Variants in NRXN3 observed in about 807,000 individuals in gnomAD.
The protein encoded by NRXN3 is neurexin 3.
In NRXN3, 32 loss-of-function variants were observed where a neutral mutation model predicts 137.6. The observed-to-expected ratio is 0.23, with a 90% CI of 0.18 to 0.31. The LOEUF (loss-of-function observed/expected upper bound fraction) is 0.31, where lower values mean the gene tolerates loss of function less well. Ranked by LOEUF, NRXN3 falls within the 10% of genes least tolerant of loss-of-function variation. NRXN3 has a pLI of 1.00. For synonymous variants in NRXN3, 798 were observed against 784.5 expected (o/e 1.02, Z -0.29); for missense variants, 1,574 against 2,062.5 (o/e 0.76, Z 4.59).
intron 4 of NRXN3, among the ~76,000 whole-genome samples, chr14:78,540,732 G>T (rs1166855992): frequency 2.0e-5 from 3 of 152,038 alleles, no homozygotes; most frequent in Non-Finnish European, 2.9e-5. Context: ...TTACAATTTG[G>T]CATGTTTTTG....
chr14:78,587,172 G>T (rs2077690388), intron 4 of NRXN3, among the ~76,000 whole-genome samples: 1 of 152,234 alleles, frequency 6.6e-6, no homozygotes, highest in Non-Finnish European at 1.5e-5. Context: ...TGGAGCCCAT[G>T]GGAGTGTTTG....
In NRXN3 at chr14:78,641,347, CTCCTTCTCCT is replaced by C. The variant is rs575403621; in HGVS notation, c.758-3771_758-3762del. 2.1e-4 allele frequency among the ~76,000 whole-genome samples: 32 copies of C among 152,184 alleles called. 1 individual carries two copies. In the South Asian group the frequency reaches 6.6e-3, roughly 32 times the overall value. ...ATTTCTTCAAGGTCCTCATTTTTTTCTCCTTCTCCTTTCTAGCCCTTGATTTGCTCTTTTA... is the reference window on the plus strand; with the variant it reads ...ATTTCTTCAAGGTCCTCATTTTTTTCTTCTAGCCCTTGATTTGCTCTTTTA... On this transcript the variant is annotated intron_variant, in intron 4 of 20. Transcript: ENST00000335750.
chr14:78,493,420 G>T (rs998872504), intron 4 of NRXN3, among the ~76,000 whole-genome samples: 4 of 151,754 alleles, frequency 2.6e-5, no homozygotes, highest in Non-Finnish European at 5.9e-5. Context: ...CTACTTGGGA[G>T]GCTGAGGCAG....
At chr14:78,706,776 G>A (rs2098355393) in intron 6 of NRXN3, among the ~76,000 whole-genome samples, 1 of 152,112 alleles carries the variant, frequency 6.6e-6, no homozygotes, top group African/African-American at 2.4e-5. Flanking sequence ...CACGGTCAAG[G>A]TTACATAATA....
rs986198156 is a variant in NRXN3 at position 78,591,228 on chromosome 14, C to T, written c.758-53892C>T. On this transcript the variant is annotated intron_variant, in intron 4 of 20. Coordinates refer to ENST00000335750, the MANE Select transcript of NRXN3 (RefSeq NM_001330195.2). ...GCAGAGATTTCCTGCTGAGAAGTCG[C>T]CCCTATGTGTGCACATGGACAGTGT... Among the ~76,000 whole-genome samples, 4 of 152,254 alleles carry T rather than the reference C, an allele frequency of 2.6e-5. No individual in the cohort carries two copies. The East Asian group carries it at 5.8e-4, about 22-fold the overall frequency.
At chr14:78,704,328 A>T (rs2098323553) in intron 6 of NRXN3, among the ~76,000 whole-genome samples, 1 of 152,226 alleles carries the variant, frequency 6.6e-6, no homozygotes, top group African/African-American at 2.4e-5. Flanking sequence ...GTACCAGAGT[A>T]GCCAGGGAAA....
intron 15 of NRXN3, among the ~76,000 whole-genome samples, chr14:79,292,508 C>T (rs2083372230): frequency 6.6e-6 from 1 of 152,210 alleles, no homozygotes; most frequent in Non-Finnish European, 1.5e-5. Context: ...TGTGAGGTGG[C>T]CTGCCAGCTT....
chr14:78,434,313 C>T lies in NRXN3; in HGVS notation c.757+136453C>T, dbSNP rs962470365. Among the ~76,000 whole-genome samples, 7 of 152,106 alleles carry T rather than the reference C, an allele frequency of 4.6e-5. No homozygotes were observed. The East Asian group carries it at 1.2e-3, about 25-fold the overall frequency. ...AGGGTTGTGAGGGAGGGATCTGTTC[C>T]AGGCCTCTCTTTGGCTTGTAGATAG... On this transcript the variant is annotated intron_variant, in intron 4 of 20. Transcript: ENST00000335750.
chr14:79,383,969 AGT>A (rs2094537109), intron 15 of NRXN3, among the ~76,000 whole-genome samples: 1 of 152,104 alleles, frequency 6.6e-6, no homozygotes, highest in Non-Finnish European at 1.5e-5. Flanking sequence ...AAATTAGGTC[AGT>A]GTTTTTATTT....
chr14:79,508,390 A>ATT lies in NRXN3; in HGVS notation c.3444+41003_3444+41004dup, dbSNP rs528502246. 8.3e-4 allele frequency among the ~76,000 whole-genome samples: 40 copies of ATT among 48,226 alleles called. 4 individuals carry two copies. Among genetic ancestry groups the ATT allele is most frequent in the African/African-American group, 1.9e-3 (26 of 13,738 alleles). The allele number at this position is 48,226 out of a possible 152,430, so 31.6% of individuals were successfully genotyped here. A position where few individuals can be genotyped will look rare whatever the true frequency, so the allele number is the denominator to read the frequency against. ...AATTTTCTTTATAAAACAATAACTGATTTTTTTTTTTTTTTTAAGACAGAG... is the reference window on the plus strand; with the variant it reads ...AATTTTCTTTATAAAACAATAACTGATTTTTTTTTTTTTTTTTTAAGACAGAG... On this transcript the variant is annotated intron_variant, in intron 16 of 20. Coordinates refer to ENST00000335750, the MANE Select transcript of NRXN3 (RefSeq NM_001330195.2).
intron 15 of NRXN3, among the ~76,000 whole-genome samples, chr14:79,385,163 A>T (rs2153459909): frequency 6.8e-6 from 1 of 146,914 alleles, no homozygotes; most frequent in South Asian, 2.3e-4. Flanking sequence ...GCACCCACTA[A>T]CTCGTCATCT....
chr14:78,588,127 C>T (rs2097084530), intron 4 of NRXN3, among the ~76,000 whole-genome samples: 1 of 151,990 alleles, frequency 6.6e-6, no homozygotes, highest in African/African-American at 2.4e-5. Flanking sequence ...GCTTCTGTAC[C>T]TGAGTTTTGC....
chr14:79,486,678 A>G (rs563241089), intron 16 of NRXN3, among the ~76,000 whole-genome samples: 1 of 152,346 alleles, frequency 6.6e-6, no homozygotes, highest in South Asian at 2.1e-4. Flanking sequence ...TTGGATGATG[A>G]GAAAGCTGGG....
chr14:78,909,489 A>C (rs1313918125), intron 10 of NRXN3, among the ~76,000 whole-genome samples: 1 of 152,152 alleles, frequency 6.6e-6, no homozygotes, highest in African/African-American at 2.4e-5. Flanking sequence ...GATCTTTTTC[A>C]TTATGACAAT....
intron 19 of NRXN3, among the ~76,000 whole-genome samples, chr14:79,799,348 T>A (rs1043588733): frequency 1.3e-5 from 2 of 152,210 alleles, no homozygotes; most frequent in Non-Finnish European, 2.9e-5. Flanking sequence ...GTTAAGGTGC[T>A]TAATATGCAT....
chr14:78,810,237 G>T, intron 9 of NRXN3, 81 bp from the exon 10 acceptor site: 1 of 825,512 alleles, frequency 1.2e-6, no homozygotes. Flanking sequence ...CCCCGGAAGG[G>T]TGGACTGATT....
chr14:79,522,733 C>T (rs1438577341), intron 16 of NRXN3, among the ~76,000 whole-genome samples: 1 of 152,096 alleles, frequency 6.6e-6, no homozygotes, highest in African/African-American at 2.4e-5. Context: ...TCTGTGATCT[C>T]GCAGTTTCAA....
At chr14:78,248,568 G>A (rs182549322) in intron 2 of NRXN3, among the ~76,000 whole-genome samples, 1 of 151,872 alleles carries the variant, frequency 6.6e-6, no homozygotes, top group Non-Finnish European at 1.5e-5. Flanking sequence ...TGTAGTGAAG[G>A]GACCAGTGGT....
At chr14:79,058,829 C>T (rs370529280) in intron 15 of NRXN3, among the ~76,000 whole-genome samples, 25 of 152,168 alleles carry the variant, frequency 1.6e-4, no homozygotes, top group African/African-American at 1.7e-4. Context: ...GTTTTATGAA[C>T]GTGTGGCATT....
Sources: gnomAD v4.1 joint callset for allele counts (sites outside exome capture counted in the v4.1 genomes callset) on GRCh38, gnomAD v4.1.1 for gene constraint, MANE v1.5 for transcripts, NCBI Gene and HGNC (gene_info 2026-07-23, HGNC 2026-07-21) for gene names.